ADCY2: variants seen among roughly 807,000 people sequenced by gnomAD.
ADCY2 encodes the protein adenylate cyclase type 2.
Under a neutral mutation model 125.2 loss-of-function variants are expected in ADCY2, and 31 were observed. The ratio of observed to expected loss-of-function variants is 0.25; its 90% CI spans 0.19 to 0.33. ADCY2 has a LOEUF of 0.33. Among genes scored for constraint, ADCY2 ranks in the 10% least tolerant of loss-of-function variants. The probability of loss-of-function intolerance (pLI) is 1.00; values close to 1 mark genes in which losing one functional copy is unlikely to be tolerated. For synonymous variants in ADCY2, 512 were observed against 548.4 expected (o/e 0.93, Z 0.93); for missense variants, 904 against 1,418.2 (o/e 0.64, Z 5.82).
chr5:7,592,190 C>T (rs1172027079), intron 3 of ADCY2, among the ~76,000 whole-genome samples: 4 of 152,016 alleles, frequency 2.6e-5, no homozygotes, highest in South Asian at 4.1e-4. Flanking sequence ...CAAAGAGGGT[C>T]GCCTAAATAG....
intron 3 of ADCY2, among the ~76,000 whole-genome samples, chr5:7,582,678 C>A (rs1579597219): frequency 6.6e-6 from 1 of 152,010 alleles, no homozygotes. Context: ...CAAAATTTAA[C>A]CCTCCTATGT....
chr5:7,640,645 G>GTC (rs1280339380), intron 4 of ADCY2, among the ~76,000 whole-genome samples: 3 of 151,924 alleles, frequency 2.0e-5, no homozygotes, highest in African/African-American at 7.3e-5. Flanking sequence ...TATGACTACT[G>GTC]TCTTCTGCCT....
intron 2 of ADCY2, among the ~76,000 whole-genome samples, chr5:7,513,842 T>A (rs1242049136): frequency 6.6e-6 from 1 of 152,204 alleles, no homozygotes; most frequent in Non-Finnish European, 1.5e-5. Context: ...TTTCTTAGAT[T>A]TTTTGGAGAG....
intron 4 of ADCY2, among the ~76,000 whole-genome samples, chr5:7,659,835 A>G (rs920435379): frequency 3.3e-5 from 5 of 152,244 alleles, no homozygotes; most frequent in Non-Finnish European, 7.3e-5. Flanking sequence ...CTCCAGTTAC[A>G]TACTACCTGC....
intron 2 of ADCY2, among the ~76,000 whole-genome samples, chr5:7,442,905 G>C (rs534756808): frequency 6.6e-6 from 1 of 152,262 alleles, no homozygotes; most frequent in Non-Finnish European, 1.5e-5. Context: ...TGATACTCCT[G>C]AATATTATCC....
At position 7,815,788 on chromosome 5, in the gene ADCY2, A is replaced by C. The variant is rs564108076; in HGVS notation, c.2884-1078A>C. On this transcript the variant is annotated intron_variant, in intron 22 of 24. Coordinates refer to ENST00000338316, the MANE Select transcript of ADCY2 (RefSeq NM_020546.3). ...TGACACAGCCCTCAAGGACGAGTAAATGAGGAAATTGTTACCCTCCATATT... is the reference window on the plus strand; with the variant it reads ...TGACACAGCCCTCAAGGACGAGTAACTGAGGAAATTGTTACCCTCCATATT... Among the ~76,000 whole-genome samples the C allele has an allele frequency of 8.0e-4, 122 of 152,290 alleles. 1 individual carries two copies. The highest frequency in any genetic ancestry group is 1.5e-3 in the Non-Finnish European group (100 of 68,020).
At chr5:7,482,877 G>A (rs376782960) in intron 2 of ADCY2, among the ~76,000 whole-genome samples, 5 of 151,220 alleles carry the variant, frequency 3.3e-5, no homozygotes, top group South Asian at 2.1e-4. Context: ...TTGCAGCAAC[G>A]TGGATGGAAC....
At chr5:7,480,687 A>C (rs1189809839) in intron 2 of ADCY2, among the ~76,000 whole-genome samples, 2 of 152,152 alleles carry the variant, frequency 1.3e-5, no homozygotes, top group Non-Finnish European at 2.9e-5. Flanking sequence ...AATAATCTGT[A>C]CAACAAACCC....
At chr5:7,673,311 T>TGCCTGTG (rs1740006592) in intron 4 of ADCY2, among the ~76,000 whole-genome samples, 1 of 120,790 alleles carries the variant, frequency 8.3e-6, no homozygotes, top group African/African-American at 3.2e-5. Flanking sequence ...TTGTGGAACA[T>TGCCTGTG]GCCTGTGGTC....
intron 4 of ADCY2, 77 bp from the exon 5 acceptor site, chr5:7,690,614 T>C: frequency 7.6e-7 from 1 of 1,309,372 alleles, no homozygotes; most frequent in Admixed American, 3.4e-5. Context: ...TACAAATCAG[T>C]GAGGATCTCC....
At chr5:7,718,003 T>G (rs1413698936) in intron 12 of ADCY2, among the ~76,000 whole-genome samples, 3 of 152,160 alleles carry the variant, frequency 2.0e-5, no homozygotes, top group Non-Finnish European at 2.9e-5. Context: ...GCTTCCATCC[T>G]TATGGAGACC....
chr5:7,521,544 A>T (rs1053860243), intron 3 of ADCY2, among the ~76,000 whole-genome samples: 1 of 152,232 alleles, frequency 6.6e-6, no homozygotes, highest in Non-Finnish European at 1.5e-5. Context: ...TGTTTTACCT[A>T]TTAAAAGTGC....
chr5:7,788,471 T>C (rs1282840462), intron 19 of ADCY2, among the ~76,000 whole-genome samples: 2 of 152,230 alleles, frequency 1.3e-5, no homozygotes, highest in African/African-American at 2.4e-5. Context: ...TGAGCCACCA[T>C]GTCTGGCTAA....
chr5:7,615,091 G>A (rs565278634), intron 3 of ADCY2, among the ~76,000 whole-genome samples: 71 of 152,260 alleles, frequency 4.7e-4, no homozygotes, highest in Middle Eastern at 3.4e-3. Context: ...GAATGGGGAG[G>A]TGCTACACAC....
intron 17 of ADCY2, among the ~76,000 whole-genome samples, chr5:7,770,678 G>A (rs997736951): frequency 1.3e-5 from 2 of 152,152 alleles, no homozygotes; most frequent in African/African-American, 2.4e-5. Flanking sequence ...TGGGGAATCC[G>A]AGGGGACAGG....
chr5:7,404,626 A>G (rs184430450), intron 1 of ADCY2, among the ~76,000 whole-genome samples: 7 of 152,342 alleles, frequency 4.6e-5, no homozygotes, highest in Admixed American at 4.6e-4. Context: ...TGGAAGTGAC[A>G]CATCACTTTC....
At chr5:7,523,258 C>G (rs1458073942) in intron 3 of ADCY2, among the ~76,000 whole-genome samples, 4 of 148,822 alleles carry the variant, frequency 2.7e-5, no homozygotes, top group Non-Finnish European at 5.9e-5. Context: ...TCACTGAATA[C>G]TGTATTCTTT....
At chr5:7,730,648 T>G (rs1742072751) in intron 14 of ADCY2, among the ~76,000 whole-genome samples, 3 of 152,176 alleles carry the variant, frequency 2.0e-5, no homozygotes, top group Admixed American at 1.3e-4. Flanking sequence ...GAATAATAGT[T>G]TAACTGGGCA....
chr5:7,512,948 G>A (rs1744120831), intron 2 of ADCY2, among the ~76,000 whole-genome samples: 1 of 152,122 alleles, frequency 6.6e-6, no homozygotes, highest in Non-Finnish European at 1.5e-5. Context: ...TGGAGACACA[G>A]TAGACCCTCT....
Sources: gnomAD v4.1 joint callset for allele counts (sites outside exome capture counted in the v4.1 genomes callset) on GRCh38, gnomAD v4.1.1 for gene constraint, MANE v1.5 for transcripts, NCBI Gene and HGNC (gene_info 2026-07-23, HGNC 2026-07-21) for gene names.